The following RASA1 variants were observed in gnomAD, a reference collection of about 807,000 sequenced individuals.
RASA1 encodes ras GTPase-activating protein 1.
A neutral mutation model predicts 132.2 loss-of-function variants in RASA1; 25 were observed. That is an observed-to-expected ratio of 0.19 (90% CI 0.14 to 0.26). RASA1 has a LOEUF of 0.26. Ranked by LOEUF, RASA1 falls within the 10% of genes least tolerant of loss-of-function variation. RASA1 has a pLI of 1.00. For synonymous variants in RASA1, 477 were observed against 449.9 expected, an observed-to-expected ratio of 1.06 and a Z score of -0.76; for missense variants, 964 against 1,299.2, an observed-to-expected ratio of 0.74 and a Z score of 3.97.
At chr5:87,330,826 G>A (rs1254490600) in intron 1 of RASA1, 1 of 558,700 alleles carries the variant, frequency 1.8e-6, no homozygotes, top group African/African-American at 2.0e-5. Context: ...GGATTAATCA[G>A]CTTCACGTTC....
chr5:87,378,406 T>C lies in RASA1; in HGVS notation c.2355T>C (p.Thr785=), dbSNP rs755011839. Residue 785 remains threonine, a synonymous_variant, in exon 18 of 25, where the codon ACT becomes ACC. Coordinates refer to ENST00000274376, the MANE Select transcript of RASA1 (RefSeq NM_002890.3). The stretch of plus-strand genomic sequence containing the variant: ...TAAATATTTGTGTAGATGAAGCCAC[T>C]ACCCTATTTCGAGCCACAACACTTG... ...DREISMEDEA[T]TLFRATTLAS... 2.5e-6 allele frequency: 4 copies of C among 1,613,366 alleles called. No individual in the cohort carries two copies. The highest frequency in any genetic ancestry group is 2.5e-6 in the Non-Finnish European group (3 of 1,179,456).
chr5:87,332,639 A>G lies in RASA1; in HGVS notation c.825A>G (p.Pro275=), dbSNP rs1365959061. ...AATTACTTTACCCAGTTGCACCACC[A>G]GAGGCAAGTAAAATGAATAAAATAT... is the stretch of plus-strand genomic sequence containing the variant. The part of the protein sequence containing the change: ...GEKLLYPVAP[P]EPVEDRRRVR... Residue 275 remains proline (P), a synonymous_variant, in exon 3 of 25, where the codon CCA becomes CCG. Coordinates refer to ENST00000274376, the MANE Select transcript of RASA1 (RefSeq NM_002890.3). 1.2e-6 allele frequency: 2 copies of G among 1,609,058 alleles called. No homozygotes were observed. Among genetic ancestry groups the G allele is most frequent in the Non-Finnish European group, 1.7e-6 (2 of 1,176,038 alleles).
chr5:87,384,973 GAC>G (rs1388322551), intron 21 of RASA1, among the ~76,000 whole-genome samples: 1 of 151,834 alleles, frequency 6.6e-6, no homozygotes, highest in Non-Finnish European at 1.5e-5. Context: ...TGTGAGGAGT[GAC>G]AATCTTTTTT....
In RASA1 at chr5:87,389,256, G is replaced by GGGAGGC. The variant is rs1467178269; in HGVS notation, c.2926-131_2926-126dup. 4 of 1,074,632 alleles carry GGGAGGC rather than the reference G, an allele frequency of 3.7e-6. No homozygotes were observed. In the South Asian group the frequency reaches 5.4e-5, roughly 15 times the overall value. 66.6% of individuals were successfully genotyped at this position (1,074,632 alleles called of 1,614,324 possible). On this transcript the variant is annotated intron_variant, in intron 23 of 24. Coordinates refer to ENST00000274376, the MANE Select transcript of RASA1 (RefSeq NM_002890.3). ...TGAGGCAGGAGAATCGCTTGAACCC[G>GGGAGGC]GGAGGCGGAGGTTGCAGTGAGCCGA...
rs185885225 is a variant in RASA1, at chr5:87,336,718, T to C, written c.900-1256T>C. On this transcript the variant is annotated intron_variant, in intron 4 of 24. Transcript: ENST00000274376. ...CTAAGAAATGAAATTTACCAGTTCA[T>C]GTGCACCCTCCTTTTACTCATAATG... 2.5e-3 allele frequency among the ~76,000 whole-genome samples: 385 copies of C among 152,242 alleles called. 1 individual carries two copies. Among genetic ancestry groups the C allele is most frequent in the African/African-American group, 8.7e-3 (363 of 41,586 alleles).
Position 87,296,509 on chromosome 5 carries a change from A to G in RASA1, c.539+27519A>G, listed in dbSNP as rs185893355. ...GCAAGGCAGGTCTACTGGCAACACA[A>G]GTCTTCAATTTTTGTTTGTCTGAGA... is the stretch of plus-strand genomic sequence containing the variant. On this transcript the variant is annotated intron_variant, in intron 1 of 24. Coordinates refer to ENST00000274376, the MANE Select transcript of RASA1 (RefSeq NM_002890.3). 1.7e-3 allele frequency among the ~76,000 whole-genome samples: 254 copies of G among 152,292 alleles called. 1 individual carries two copies. The highest frequency in any genetic ancestry group is 5.9e-3 in the African/African-American group (244 of 41,570).
In RASA1 at chr5:87,391,447, C is replaced by CTAT. The variant is rs1762508011; in HGVS notation, c.*566_*568dup. 1 of 242,330 alleles carries CTAT rather than the reference C, an allele frequency of 4.1e-6. No individual in the cohort carries two copies. Among genetic ancestry groups the CTAT allele is most frequent in the Non-Finnish European group, 8.2e-6 (1 of 122,298 alleles). The allele number at this position is 242,330 out of a possible 1,614,324, so 15.0% of individuals were successfully genotyped here. A position where few individuals can be genotyped will look rare whatever the true frequency, so the allele number is the denominator to read the frequency against. The stretch of plus-strand genomic sequence containing the variant: ...CTGTATACTTTTAAAAAATACTCTG[C>CTAT]TATTTCTCTTGCTGGAACTGTTGAA... On this transcript the variant is annotated 3_prime_UTR_variant, in exon 25 of 25. Transcript: ENST00000274376.
chr5:87,338,536 A>ATATATATATATATATATATATTTTTTTT, intron 5 of RASA1, among the ~76,000 whole-genome samples: 2 of 85,214 alleles, frequency 2.3e-5, no homozygotes, highest in Admixed American at 1.3e-4. Context: ...TATATATAAA[A>ATATATATATATATATATATATTTTTTTT]TTTTTTTTTT....
At chr5:87,354,848 C>T (rs75104952) in intron 9 of RASA1, among the ~76,000 whole-genome samples, 1,827 of 152,104 alleles carry the variant, frequency 0.012, 30 homozygotes, top group African/African-American at 0.041. Context: ...AGTGAAACAC[C>T]CTTATTGCTG....
rs1757687318 is a variant in RASA1 at position 87,332,713 on chromosome 5, C to T, written c.828+71C>T. ...TACAATAATGGTTTTAGCTATTGCT[C>T]AGTTTCTTATGTTTATTATAATTCA... On this transcript the variant is annotated intron_variant, in intron 3 of 24. Coordinates refer to ENST00000274376, the MANE Select transcript of RASA1 (RefSeq NM_002890.3). The T allele has an allele frequency of 6.4e-6, 9 of 1,405,978 alleles. No individual in the cohort carries two copies. The East Asian group carries it at 9.4e-5, about 15-fold the overall frequency. The allele number at this position is 1,405,978 out of a possible 1,614,324, so 87.1% of individuals were successfully genotyped here.
At chr5:87,373,379 A>G (rs1194381541) in intron 13 of RASA1, among the ~76,000 whole-genome samples, 2 of 152,106 alleles carry the variant, frequency 1.3e-5, no homozygotes, top group South Asian at 2.1e-4. Flanking sequence ...TGCAGATACT[A>G]TGTCATTTTC....
intron 9 of RASA1, among the ~76,000 whole-genome samples, chr5:87,355,294 G>A (rs1288296126): frequency 6.6e-6 from 1 of 152,146 alleles, no homozygotes; most frequent in East Asian, 1.9e-4. Context: ...CTTTTCAGGG[G>A]CTAATGCAGC....
At chr5:87,314,027 GGC>G (rs1334012735) in intron 1 of RASA1, among the ~76,000 whole-genome samples, 3 of 152,144 alleles carry the variant, frequency 2.0e-5, no homozygotes, top group Non-Finnish European at 4.4e-5. Context: ...AAATGAGCCA[GGC>G]GTGGTGGCAC....
chr5:87,365,815 A>C (rs1760473540), intron 11 of RASA1, among the ~76,000 whole-genome samples: 1 of 152,150 alleles, frequency 6.6e-6, no homozygotes, highest in South Asian at 2.1e-4. Flanking sequence ...AATGCTAGTT[A>C]AGTTTATGAC....
intron 6 of RASA1, among the ~76,000 whole-genome samples, chr5:87,345,136 G>A (rs1056432732): frequency 1.2e-4 from 19 of 152,048 alleles, no homozygotes; most frequent in African/African-American, 4.6e-4. Context: ...CAGTTCCCAC[G>A]CCTGGCCTAG....
At chr5:87,340,857 G>T (rs1758380332) in intron 5 of RASA1, among the ~76,000 whole-genome samples, 1 of 151,952 alleles carries the variant, frequency 6.6e-6, no homozygotes, top group Non-Finnish European at 1.5e-5. Flanking sequence ...CATGGTATAG[G>T]AACCAAAAAA....
chr5:87,373,698 A>G (rs542737920), intron 13 of RASA1, among the ~76,000 whole-genome samples: 1 of 152,320 alleles, frequency 6.6e-6, no homozygotes, highest in Non-Finnish European at 1.5e-5. Context: ...CCTGTAAAAT[A>G]AGAAGGTAAA....
intron 23 of RASA1, among the ~76,000 whole-genome samples, chr5:87,389,052 AATATT>A (rs1180090031): frequency 3.3e-5 from 5 of 152,188 alleles, no homozygotes; most frequent in Admixed American, 2.6e-4. Context: ...ATTAATACTG[AATATT>A]ATATTTCAAT....
rs755271409 is a variant in RASA1, at chr5:87,389,397, T to C, written c.2930T>C (p.Val977Ala). 1 of 1,614,142 alleles carries C rather than the reference T, an allele frequency of 6.2e-7. No individual in the cohort carries two copies. Among genetic ancestry groups the C allele is most frequent in the Non-Finnish European group, 8.5e-7 (1 of 1,179,962 alleles). ...AATTTTACGATTCCCTTAAAGAATGTACCTGAACTTCCGGACACTACAGAG... is the reference window on the plus strand; with the variant it reads ...AATTTTACGATTCCCTTAAAGAATGCACCTGAACTTCCGGACACTACAGAG... Reference protein sequence around the residue: ...MIMFLDELGNVPELPDTTEHS... With the variant: ...MIMFLDELGNAPELPDTTEHS... Residue 977 changes from valine (V) to alanine (A), a missense_variant, in exon 24 of 25, where the codon GTA (valine) becomes GCA (alanine). Around this residue, in one of 6 missense-constraint regions of RASA1, gnomAD observed 107 missense variants for 163.8 expected, o/e 0.65. Transcript: ENST00000274376.
Sources: gnomAD v4.1 joint callset for allele counts (sites outside exome capture counted in the v4.1 genomes callset) on GRCh38, gnomAD v4.1.1 for gene constraint, gnomAD v4.1.1 regional missense constraint, MANE v1.5 for transcripts, NCBI Gene and HGNC (gene_info 2026-07-23, HGNC 2026-07-21) for gene names.